Variants in LAMA3 observed in about 807,000 individuals in gnomAD.
The protein encoded by LAMA3 is laminin subunit alpha-3.
LAMA3 carries 281 observed loss-of-function variants against 402.0 expected under a neutral mutation model. The observed-to-expected ratio is 0.70, with a 90% CI of 0.63 to 0.77. LAMA3 has a LOEUF of 0.77. LAMA3 is among the 30% of genes least tolerant of loss of function. LAMA3 has a pLI of 0.00. For synonymous variants in LAMA3, 1,431 were observed against 1,558.4 expected (o/e 0.92, Z 1.93); for missense variants, 3,840 against 4,215.5 (o/e 0.91, Z 2.47).
intron 20 of LAMA3, 77 bp downstream of exon 20, chr18:23,822,452 A>G: frequency 1.4e-6 from 2 of 1,457,194 alleles, no homozygotes; most frequent in Non-Finnish European, 1.9e-6. Context: ...TGATTTTCAC[A>G]AAGTTGATCA....
intron 12 of LAMA3, among the ~76,000 whole-genome samples, chr18:23,793,103 G>A (rs558662291): frequency 1.3e-5 from 2 of 152,186 alleles, no homozygotes; most frequent in African/African-American, 2.4e-5. Flanking sequence ...GGAATGGGCA[G>A]GGATAAGCAG....
At chr18:23,799,519 C>A (rs542729742) in intron 12 of LAMA3, among the ~76,000 whole-genome samples, 1 of 152,190 alleles carries the variant, frequency 6.6e-6, no homozygotes, top group East Asian at 1.9e-4. Flanking sequence ...TGGGTCTTCT[C>A]GCTCCCCAGA....
At position 23,813,066 on chromosome 18, in the gene LAMA3, G is replaced by A. The variant is rs772552536; in HGVS notation, c.1751G>A (p.Ser584Asn). The A allele has an allele frequency of 1.9e-6, 3 of 1,608,934 alleles. No individual in the cohort carries two copies. Among genetic ancestry groups the A allele is most frequent in the Non-Finnish European group, 2.6e-6 (3 of 1,175,326 alleles). Residue 584 changes from serine to asparagine, a missense_variant, in exon 14 of 75, where the codon AGT (serine) becomes AAT (asparagine). Ser to Asn is a conservative substitution (Grantham distance 46, BLOSUM62 1). Around this residue, in one of 3 missense-constraint regions of LAMA3, gnomAD observed 2,109 missense variants for 2,376.0 expected, o/e 0.89. Coordinates refer to ENST00000313654, the MANE Select transcript of LAMA3 (RefSeq NM_198129.4). ...TCTGAATCATATTCAGGTTCCAGCA[G>A]TGCTTGTGACCCAGCTGGTACCATC... Reference protein sequence around the residue: ...YDFPHCQGSSSACDPAGTINS... With the variant: ...YDFPHCQGSSNACDPAGTINS...
intron 6 of LAMA3, among the ~76,000 whole-genome samples, chr18:23,756,796 G>GCC (rs934562230): frequency 8.5e-5 from 13 of 152,286 alleles, no homozygotes; most frequent in Admixed American, 5.2e-4. Context: ...GCTCGGGAGT[G>GCC]CCAAGACTCA....
Position 23,747,877 on chromosome 18 carries a change from T to C in LAMA3, c.448-66T>C, listed in dbSNP as rs1056574326. ...TGTTGCCTTGGGAATCAGCATCACA[T>C]AGAGATGGTAGAAGCTGTGAATCGA... On this transcript the variant is annotated intron_variant, in intron 2 of 74. Transcript: ENST00000313654. 7 of 937,682 alleles carry C rather than the reference T, an allele frequency of 7.5e-6. No individual in the cohort carries two copies. The African/African-American group carries it at 8.1e-5, about 11-fold the overall frequency. The allele number at this position is 937,682 out of a possible 1,614,324, so 58.1% of individuals were successfully genotyped here.
chr18:23,714,455 G>A (rs886356344), intron 2 of LAMA3, among the ~76,000 whole-genome samples: 21 of 152,234 alleles, frequency 1.4e-4, no homozygotes, highest in African/African-American at 4.6e-4. Context: ...GGGAGGTGGA[G>A]GTTGCAGTGA....
chr18:23,952,960 T>C (rs1319084008), intron 73 of LAMA3, 30 bp from the exon 74 acceptor site: 3 of 1,613,590 alleles, frequency 1.9e-6, no homozygotes, highest in East Asian at 2.2e-5. Flanking sequence ...TCACCTCCGA[T>C]GATAGACCTA....
chr18:23,752,267 T>TG (rs2061765466), intron 5 of LAMA3, among the ~76,000 whole-genome samples: 2 of 152,128 alleles, frequency 1.3e-5, no homozygotes, highest in Non-Finnish European at 2.9e-5. Context: ...TGTGTTTCTG[T>TG]TCCTCCATGT....
rs376349138 is a variant in LAMA3, at chr18:23,933,821, C to T, written c.8748C>T (p.Asn2916=). The change falls in exon 67 of 75, where the codon AAC becomes AAT. Residue 2916 remains asparagine (N), a synonymous_variant. Transcript: ENST00000313654. ...CTGAAGTCCTAGATTTGACCAGTAA[C>T]TCTCTCAAGAGAGATGTGTCCCTGG... ...LSPEVLDLTS[N]SLKRDVSLGG... The T allele has an allele frequency of 1.3e-5, 21 of 1,613,872 alleles. No homozygotes were observed. Among genetic ancestry groups the T allele is most frequent in the Non-Finnish European group, 1.7e-5 (20 of 1,179,830 alleles).
At chr18:23,949,402 CTTG>C (rs1233035332) in intron 70 of LAMA3, among the ~76,000 whole-genome samples, 3 of 152,160 alleles carry the variant, frequency 2.0e-5, no homozygotes, top group African/African-American at 7.2e-5. Context: ...GGAAATTTCC[CTTG>C]TTGCTGCTCC....
At chr18:23,707,087 C>G (rs867165937) in intron 1 of LAMA3, among the ~76,000 whole-genome samples, 42 of 152,200 alleles carry the variant, frequency 2.8e-4, no homozygotes, top group African/African-American at 7.5e-4. Flanking sequence ...TCAAAAAAAA[C>G]AAAAACAAAA....
intron 18 of LAMA3, among the ~76,000 whole-genome samples, chr18:23,816,971 T>G (rs1263871356): frequency 6.6e-6 from 1 of 151,762 alleles, no homozygotes; most frequent in African/African-American, 2.4e-5. Context: ...TAAGAGGGAG[T>G]GCCACCACAC....
intron 62 of LAMA3, among the ~76,000 whole-genome samples, chr18:23,927,778 C>A (rs907035869): frequency 1.3e-5 from 2 of 151,800 alleles, no homozygotes; most frequent in Non-Finnish European, 2.9e-5. Context: ...CTTATTAATA[C>A]ATGTCCTATC....
intron 39 of LAMA3, among the ~76,000 whole-genome samples, chr18:23,877,675 T>G (rs1035364408): frequency 2.0e-5 from 3 of 152,244 alleles, no homozygotes; most frequent in African/African-American, 7.2e-5. Context: ...TGATAGAATA[T>G]TTTGTTGGAT....
At chr18:23,846,801 G>A (rs778076172) in intron 31 of LAMA3, among the ~76,000 whole-genome samples, 5 of 152,246 alleles carry the variant, frequency 3.3e-5, no homozygotes, top group African/African-American at 4.8e-5. Flanking sequence ...AAGCAGGTGA[G>A]TGTGACAAGT....
intron 62 of LAMA3, 145 bp downstream of exon 62, chr18:23,921,730 G>A (rs1362206330): frequency 2.6e-6 from 2 of 781,334 alleles, no homozygotes; most frequent in Non-Finnish European, 4.3e-6. Context: ...ATAGTCAACA[G>A]AATAAAACAG....
rs780361462 is a variant in LAMA3, at chr18:23,748,080, A to C, written c.565+20A>C. 5 of 1,222,392 alleles carry C rather than the reference A, an allele frequency of 4.1e-6. No homozygotes were observed. The Admixed American group carries it at 6.7e-5, about 16-fold the overall frequency. The allele number at this position is 1,222,392 out of a possible 1,614,324, so 75.7% of individuals were successfully genotyped here. A position where few individuals can be genotyped will look rare whatever the true frequency, so the allele number is the denominator to read the frequency against. ...TTGCTCGTAAGTAATCTTGCCTACCATGTTATGCATGGCTTTAATTACTTG... is the reference window on the plus strand; with the variant it reads ...TTGCTCGTAAGTAATCTTGCCTACCCTGTTATGCATGGCTTTAATTACTTG... On this transcript the variant is annotated intron_variant, in intron 3 of 74. Transcript: ENST00000313654.
rs137863675 is a variant in LAMA3 at position 23,723,176 on chromosome 18, T to C, written c.447+9104T>C. Among the ~76,000 whole-genome samples the C allele has an allele frequency of 1.3e-4, 20 of 152,322 alleles. No homozygotes were observed. The East Asian group carries it at 2.3e-3, about 18-fold the overall frequency. ...AGTTCTGGGAACTCAGTACTGATGT[T>C]ACTTCCCAGAATATTTGCATTAAAA... On this transcript the variant is annotated intron_variant, in intron 2 of 74. Coordinates refer to ENST00000313654, the MANE Select transcript of LAMA3 (RefSeq NM_198129.4).
intron 18 of LAMA3, among the ~76,000 whole-genome samples, chr18:23,817,630 G>C (rs1272347485): frequency 6.6e-6 from 1 of 152,196 alleles, no homozygotes; most frequent in Non-Finnish European, 1.5e-5. Context: ...CAGGAGGATA[G>C]CTTGAGCCCA....
Sources: gnomAD v4.1 joint callset for allele counts (sites outside exome capture counted in the v4.1 genomes callset) on GRCh38, gnomAD v4.1.1 for gene constraint, gnomAD v4.1.1 regional missense constraint, MANE v1.5 for transcripts, NCBI Gene and HGNC (gene_info 2026-07-23, HGNC 2026-07-21) for gene names.